Variants in CAMK1 observed in about 807,000 individuals in gnomAD.
The protein encoded by CAMK1 is calcium/calmodulin dependent protein kinase I, also known as calcium/calmodulin-dependent protein kinase type 1.
A neutral mutation model predicts 49.1 loss-of-function variants in CAMK1; 39 were observed. The ratio of observed to expected loss-of-function variants is 0.79; its 90% CI spans 0.62 to 1.04. CAMK1 has a LOEUF of 1.04. Among genes scored for constraint, CAMK1 ranks in the 50% least tolerant of loss-of-function variants. CAMK1 has a pLI of 0.00. For synonymous variants in CAMK1, 192 were observed against 185.2 expected, an observed-to-expected ratio of 1.04 and a Z score of -0.30; for missense variants, 457 against 472.2, an observed-to-expected ratio of 0.97 and a Z score of 0.30.
chr3:9,761,447 C>G lies in CAMK1; in HGVS notation c.632+14G>C. The G allele has an allele frequency of 6.2e-7, 1 of 1,605,024 alleles. No individual in the cohort carries two copies. The highest frequency in any genetic ancestry group is 8.5e-7 in the Non-Finnish European group (1 of 1,174,744). On this transcript the variant is annotated intron_variant, in intron 7 of 11. Transcript: ENST00000256460. ...CTCTGGAGCCACAGCCTACCATGGC[C>G]AAGCCCCACTTACAAGATGTAGGCG... is the stretch of plus-strand genomic sequence containing the variant.
rs2077852837 is a variant in CAMK1, at chr3:9,761,243, G to A, written c.632+218C>T. 7 of 498,386 alleles carry A rather than the reference G, an allele frequency of 1.4e-5. 1 individual carries two copies. In the South Asian group the frequency reaches 2.3e-4, roughly 17 times the overall value. The allele number at this position is 498,386 out of a possible 1,614,324, so 30.9% of individuals were successfully genotyped here. A position where few individuals can be genotyped will look rare whatever the true frequency, so the allele number is the denominator to read the frequency against. On this transcript the variant is annotated intron_variant, in intron 7 of 11. Coordinates refer to ENST00000256460, the MANE Select transcript of CAMK1 (RefSeq NM_003656.5). ...TCAGCTCCCTGAGGGCAGGCACTTT[G>A]TCTGGTTTGTGCTGTGCTAAATTTA...
At chr3:9,761,382 G>C in intron 7 of CAMK1, 79 bp downstream of exon 7, 2 of 1,436,474 alleles carry the variant, frequency 1.4e-6, no homozygotes, top group South Asian at 2.6e-5. Context: ...GGCAGAGGGA[G>C]AGCAGAGGAA....
chr3:9,758,659 T>G (rs1397323256), intron 10 of CAMK1: 1 of 158,250 alleles, frequency 6.3e-6, no homozygotes, highest in African/African-American at 2.4e-5. Flanking sequence ...AGGTGGAGTC[T>G]CACTTTGTTG....
chr3:9,758,907 G>C (rs2077715103), intron 10 of CAMK1: 1 of 401,268 alleles, frequency 2.5e-6, no homozygotes, highest in Non-Finnish European at 4.7e-6. Flanking sequence ...TGGGATTACA[G>C]GCGTGAGCCA....
intron 2 of CAMK1, chr3:9,766,340 A>C: frequency 1.5e-6 from 1 of 683,560 alleles, no homozygotes; most frequent in Non-Finnish European, 2.7e-6. Context: ...CTTTTGGATT[A>C]TGTGTACAGT....
In CAMK1 at chr3:9,759,396, G is replaced by A. The variant is rs2304277; in HGVS notation, c.912+92C>T. The stretch of plus-strand genomic sequence containing the variant: ...TCCCTAAGCAGTTACTGTGTGCCCA[G>A]TGTGATGCCAGGTGCTGTGCAAGCT... On this transcript the variant is annotated intron_variant, in intron 10 of 11. Coordinates refer to ENST00000256460, the MANE Select transcript of CAMK1 (RefSeq NM_003656.5). The A allele has an allele frequency of 0.23, 361,935 of 1,578,702 alleles. 45,853 individuals carry two copies. Among genetic ancestry groups the A allele is most frequent in the East Asian group, 0.52 (23,349 of 44,668 alleles).
chr3:9,760,692 A>T lies in CAMK1; in HGVS notation c.709T>A (p.Phe237Ile). The stretch of plus-strand genomic sequence containing the variant: ...ATGTCGTCCCAGTAAGGAGAGTCAA[A>T]CTCGTACTCGGCCTTCAAAATCTGT... ...FEQILKAEYE[F>I]DSPYWDDISD... Residue 237 changes from phenylalanine to isoleucine, a missense_variant, in exon 8 of 12, where the codon TTT becomes ATT. Transcript: ENST00000256460. 6.2e-7 allele frequency: 1 copy of T among 1,613,974 alleles called. No individual in the cohort carries two copies. Among genetic ancestry groups the T allele is most frequent in the Non-Finnish European group, 8.5e-7 (1 of 1,179,960 alleles).
chr3:9,762,265 T>C (rs1353321785), intron 5 of CAMK1: 1 of 153,890 alleles, frequency 6.5e-6, no homozygotes, highest in Non-Finnish European at 1.4e-5. Context: ...CGTCGCTATT[T>C]CCGAGGAGTA....
At chr3:9,759,894 G>A in intron 8 of CAMK1, 144 bp from the exon 9 acceptor site, 3 of 1,395,736 alleles carry the variant, frequency 2.1e-6, no homozygotes, top group Non-Finnish European at 2.9e-6. Flanking sequence ...CCCAACCTAT[G>A]CTCTTCTTCA....
chr3:9,761,161 G>A (rs989762428), intron 7 of CAMK1: 8 of 359,244 alleles, frequency 2.2e-5, no homozygotes, highest in African/African-American at 8.3e-5. Flanking sequence ...ATCACCTGAC[G>A]TCAGTTTGTA....
chr3:9,759,191 G>T (rs1316825995), intron 10 of CAMK1: 1 of 1,613,106 alleles, frequency 6.2e-7, no homozygotes, highest in Non-Finnish European at 8.5e-7. Flanking sequence ...TGACAGCTCT[G>T]TCAGGTCATC....
At chr3:9,760,529 C>T (rs574438418) in intron 8 of CAMK1, 127 bp downstream of exon 8, 29 of 917,752 alleles carry the variant, frequency 3.2e-5, no homozygotes, top group South Asian at 3.1e-4. Context: ...TGTCTGGTCT[C>T]GAAGACAGCT....
Position 9,763,139 on chromosome 3 carries a change from A to T in CAMK1, c.290T>A (p.Leu97Gln). 1 of 1,614,170 alleles carries T rather than the reference A, an allele frequency of 6.2e-7. No individual in the cohort carries two copies. Among genetic ancestry groups the T allele is most frequent in the Non-Finnish European group, 8.5e-7 (1 of 1,180,036 alleles). The stretch of plus-strand genomic sequence containing the variant: ...GCAGGGCAGAGGTTGGGCCACTCAC[A>T]GCTGCATGATGAGGTAGAGGTGGCC... ...SGGHLYLIMQ[L>Q]VSGGELFDRI... The change falls in exon 4 of 12, where the codon CTG becomes CAG. Residue 97 changes from leucine (L) to glutamine (Q), a missense_variant and splice_region_variant. Physicochemically the swap from Leu to Gln is moderately radical, Grantham distance 113. Transcript: ENST00000256460.
chr3:9,761,259 G>C (rs550371767), intron 7 of CAMK1: 3 of 570,746 alleles, frequency 5.3e-6, no homozygotes, highest in Non-Finnish European at 6.1e-6. Flanking sequence ...TTTGTGCTGT[G>C]CTAAATTTAC....
chr3:9,767,663 T>TCA lies in CAMK1; in HGVS notation c.83+2_83+3dup. ...TCCAGCACCCAATCCTGCCCTGGACTCACGTGCCCAGAACATCTCGGAAGT... is the reference window on the plus strand; with the variant it reads ...TCCAGCACCCAATCCTGCCCTGGACTCACACGTGCCCAGAACATCTCGGAAGT... On this transcript the variant is annotated splice_donor_region_variant and intron_variant, in intron 2 of 11. Transcript: ENST00000256460. 6.2e-7 allele frequency: 1 copy of TCA among 1,613,934 alleles called. No homozygotes were observed.
chr3:9,757,998 T>A lies in CAMK1; in HGVS notation c.913-152A>T, dbSNP rs2077666605. 7.9e-7 allele frequency: 1 copy of A among 1,268,906 alleles called. No individual in the cohort carries two copies. The highest frequency in any genetic ancestry group is 2.9e-5 in the Admixed American group (1 of 34,646). 78.6% of individuals were successfully genotyped at this position (1,268,906 alleles called of 1,614,324 possible). On this transcript the variant is annotated intron_variant, in intron 10 of 11. Coordinates refer to ENST00000256460, the MANE Select transcript of CAMK1 (RefSeq NM_003656.5). The surrounding 1 kb of genome is among the most constrained non-coding windows in gnomAD (Gnocchi z 4.5). ...TCCCCTAAAGCCCCCCAAAAACCTC[T>A]ACAAGGCTTTATTATATATTTACAC...
In CAMK1 at chr3:9,767,745, A is replaced by G. The variant is rs2078194333; in HGVS notation, c.5T>C (p.Leu2Pro). The change falls in exon 2 of 12, where the codon CTG (leucine) becomes CCG (proline). Residue 2 changes from leucine to proline, a missense_variant. Leu to Pro is a moderately conservative substitution (Grantham distance 98). Transcript: ENST00000256460. Reference protein sequence around the residue: MLGAVEGPRWKQ... With the variant: MPGAVEGPRWKQ... ...CCACCTGGGGCCTTCCACTGCCCCC[A>G]GCATGGCCCACTGCCCCCCGACCAC... 1 of 1,613,988 alleles carries G rather than the reference A, an allele frequency of 6.2e-7. No individual in the cohort carries two copies. The highest frequency in any genetic ancestry group is 1.1e-5 in the South Asian group (1 of 91,078).
intron 1 of CAMK1, 43 bp from the exon 2 acceptor site, chr3:9,767,824 C>T: frequency 4.4e-6 from 7 of 1,587,408 alleles, no homozygotes; most frequent in Non-Finnish European, 6.0e-6. Flanking sequence ...GAGCCCAGCC[C>T]TCTGTCTGGG....
chr3:9,766,995 C>A (rs945930173), intron 2 of CAMK1, among the ~76,000 whole-genome samples: 32 of 152,094 alleles, frequency 2.1e-4, no homozygotes, highest in African/African-American at 7.7e-4. Context: ...TTTCCACTCT[C>A]CCCCCAGCCT....
Sources: allele counts gnomAD v4.1 joint callset (sites outside exome capture counted in the v4.1 genomes callset), GRCh38; gene constraint gnomAD v4.1.1; non-coding constraint Gnocchi (gnomAD v3.1); transcripts MANE v1.5; gene names NCBI Gene and HGNC (gene_info 2026-07-23, HGNC 2026-07-21).